Variants in DISC1 observed in about 807,000 individuals in gnomAD.
DISC1 encodes disrupted in schizophrenia 1 protein.
DISC1 carries 57 observed loss-of-function variants against 84.5 expected under a neutral mutation model. The observed-to-expected ratio is 0.67, with a 90% CI of 0.55 to 0.84. DISC1 has a LOEUF of 0.84. Among genes scored for constraint, DISC1 ranks in the 40% least tolerant of loss-of-function variants. DISC1 has a pLI of 0.00. For missense variants in DISC1, 1,000 were observed against 1,057.8 expected (o/e 0.95, Z 0.76); for synonymous variants, 411 against 415.2 (o/e 0.99, Z 0.12).
At chr1:231,871,452 T>A (rs1209766370) in intron 9 of DISC1, among the ~76,000 whole-genome samples, 4 of 152,198 alleles carry the variant, frequency 2.6e-5, no homozygotes, top group African/African-American at 9.7e-5. Flanking sequence ...AGCCACACGC[T>A]CTTCTGCCCA....
chr1:231,878,553 G>T (rs1290760586), intron 9 of DISC1, among the ~76,000 whole-genome samples: 1 of 152,174 alleles, frequency 6.6e-6, no homozygotes, highest in Non-Finnish European at 1.5e-5. Flanking sequence ...AGACTAAGCA[G>T]GTTCTTGAAG....
At chr1:231,779,549 GTTTTTT>G (rs762129889) in intron 6 of DISC1, among the ~76,000 whole-genome samples, 10 of 53,578 alleles carry the variant, frequency 1.9e-4, no homozygotes, top group African/African-American at 3.0e-4. Flanking sequence ...ACCTATTCTT[GTTTTTT>G]TTTTTTTTTT....
At chr1:231,737,823 G>A (rs986210453) in intron 3 of DISC1, among the ~76,000 whole-genome samples, 2 of 152,172 alleles carry the variant, frequency 1.3e-5, no homozygotes, top group Admixed American at 6.5e-5. Context: ...TTATCAGAAC[G>A]TTTTTCTGAC....
Position 231,771,227 on chromosome 1 carries a change from C to CGGTGT in DISC1, c.1634+160_1634+164dup. ...GTGTTTTGGGTGGGAAAATTCTTCA[C>CGGTGT]GGTGTGGGGCAGTCCTGAACATTGC... On this transcript the variant is annotated intron_variant, in intron 6 of 12. Transcript: ENST00000439617. The CGGTGT allele has an allele frequency of 4.8e-6, 7 of 1,448,032 alleles. No individual in the cohort carries two copies. In the South Asian group the frequency reaches 1.0e-4, roughly 22 times the overall value. The allele number at this position is 1,448,032 out of a possible 1,614,324, so 89.7% of individuals were successfully genotyped here. A position where few individuals can be genotyped will look rare whatever the true frequency, so the allele number is the denominator to read the frequency against.
intron 3 of DISC1, chr1:231,723,693 A>G: frequency 7.1e-6 from 7 of 985,502 alleles, no homozygotes; most frequent in Non-Finnish European, 8.4e-6. Context: ...TTATTCTCAA[A>G]TTCAGTCTTC....
chr1:231,776,546 G>A (rs889428110), intron 6 of DISC1, among the ~76,000 whole-genome samples: 1 of 152,176 alleles, frequency 6.6e-6, no homozygotes, highest in Non-Finnish European at 1.5e-5. Flanking sequence ...GTGGAGAGGA[G>A]CCAGGCCTTC....
At chr1:231,914,717 A>G (rs762660290) in intron 9 of DISC1, among the ~76,000 whole-genome samples, 2 of 152,210 alleles carry the variant, frequency 1.3e-5, no homozygotes, top group African/African-American at 2.4e-5. Context: ...ATGTGGAGGG[A>G]AAGGGATGGC....
chr1:231,758,009 T>G (rs1573561570), intron 4 of DISC1, among the ~76,000 whole-genome samples: 4 of 142,946 alleles, frequency 2.8e-5, no homozygotes, highest in South Asian at 2.3e-4. Flanking sequence ...GGGGTGGGGG[T>G]GGATAATGCC....
chr1:231,694,004 G>T lies in DISC1; in HGVS notation c.246G>T (p.Arg82Ser). The T allele has an allele frequency of 6.2e-7, 1 of 1,614,124 alleles. No homozygotes were observed. Among genetic ancestry groups the T allele is most frequent in the Non-Finnish European group, 8.5e-7 (1 of 1,179,978 alleles). The change falls in exon 2 of 13, where the codon AGG becomes AGT. Residue 82 changes from arginine (R) to serine (S), a missense_variant. Arg to Ser is a moderately radical substitution (Grantham distance 110, BLOSUM62 -1). Coordinates refer to ENST00000439617, the MANE Select transcript of DISC1 (RefSeq NM_018662.3). ...SGEESHHSES[R>S]ARQCGLDSRG... ...AGGAGTCCCACCACTCGGAGTCCAG[G>T]GCCAGACAGTGTGGCCTTGACTCGA...
At chr1:231,693,310 A>G (rs1299753389) in intron 1 of DISC1, among the ~76,000 whole-genome samples, 1 of 152,258 alleles carries the variant, frequency 6.6e-6, no homozygotes, top group Admixed American at 6.5e-5. Flanking sequence ...ACAGCCAGCT[A>G]TCCATGGTCT....
chr1:231,976,776 T>TAG (rs1396127199), intron 10 of DISC1, among the ~76,000 whole-genome samples: 1 of 152,236 alleles, frequency 6.6e-6, no homozygotes, highest in Admixed American at 6.5e-5. Context: ...AAATACCTTT[T>TAG]AGAGGATTGC....
rs185328921 is a variant in DISC1 at position 231,848,372 on chromosome 1, C to T, written c.1981+29855C>T. Among the ~76,000 whole-genome samples, 82 of 152,196 alleles carry T rather than the reference C, an allele frequency of 5.4e-4. 1 individual carries two copies. In the South Asian group the frequency reaches 6.9e-3, roughly 13 times the overall value. On this transcript the variant is annotated intron_variant, in intron 9 of 12. Transcript: ENST00000439617. ...GAGTGAAAAACAGTGAATAAATGAG[C>T]GAATATTTAAATGACAAGAACTGAC...
chr1:231,704,232 A>G (rs1419162303), intron 3 of DISC1, among the ~76,000 whole-genome samples: 1 of 152,186 alleles, frequency 6.6e-6, no homozygotes, highest in South Asian at 2.1e-4. Context: ...CATGGAGGCT[A>G]TGGATGGCAA....
At chr1:231,683,859 C>T (rs1030199949) in intron 1 of DISC1, among the ~76,000 whole-genome samples, 5 of 152,106 alleles carry the variant, frequency 3.3e-5, no homozygotes, top group African/African-American at 1.2e-4. Context: ...TCCTCCACAG[C>T]TGCCACACTG....
Position 231,855,398 on chromosome 1 carries a change from A to C in DISC1, c.1981+36881A>C, listed in dbSNP as rs554342855. 1.6e-5 allele frequency: 16 copies of C among 985,336 alleles called. No homozygotes were observed. The African/African-American group carries it at 2.6e-4, about 16-fold the overall frequency. The allele number at this position is 985,336 out of a possible 1,614,324, so 61.0% of individuals were successfully genotyped here. On this transcript the variant is annotated intron_variant, in intron 9 of 12. Transcript: ENST00000439617. Reference sequence around the variant, plus strand: ...TCCATAAATGAGCTCAAGTTATTTCATCCACAGTGATAGAATGTTCCCCAT... The same window carrying C: ...TCCATAAATGAGCTCAAGTTATTTCCTCCACAGTGATAGAATGTTCCCCAT...
intron 9 of DISC1, among the ~76,000 whole-genome samples, chr1:231,955,807 C>T (rs374030023): frequency 6.6e-6 from 1 of 152,090 alleles, no homozygotes; most frequent in Non-Finnish European, 1.5e-5. Flanking sequence ...CTTTTTCTTA[C>T]ACCTGGCATT....
intron 9 of DISC1, chr1:231,855,304 A>G (rs1374267933): frequency 1.1e-5 from 10 of 940,290 alleles, no homozygotes; most frequent in Non-Finnish European, 1.1e-5. Context: ...TTTCAAAATA[A>G]CATGTTATAT....
rs117761507 is a variant in DISC1, at chr1:231,771,335, A to T, written c.1634+265A>T. On this transcript the variant is annotated intron_variant, in intron 6 of 12. Coordinates refer to ENST00000439617, the MANE Select transcript of DISC1 (RefSeq NM_018662.3). ...CAATATGCACCCTCCCCATTTCCAAACACCCTCAGGACACCCTCTCTCCCT... is the reference window on the plus strand; with the variant it reads ...CAATATGCACCCTCCCCATTTCCAATCACCCTCAGGACACCCTCTCTCCCT... 151 of 985,116 alleles carry T rather than the reference A, an allele frequency of 1.5e-4. No individual in the cohort carries two copies. In the East Asian group the frequency reaches 0.011, roughly 74 times the overall value. The allele number at this position is 985,116 out of a possible 1,614,324, so 61.0% of individuals were successfully genotyped here.
At chr1:231,779,696 A>G (rs1323717708) in intron 6 of DISC1, among the ~76,000 whole-genome samples, 7 of 151,518 alleles carry the variant, frequency 4.6e-5, no homozygotes, top group Admixed American at 4.6e-4. Flanking sequence ...AGTAGCTGGG[A>G]CTACAGGCAC....
Sources: gnomAD v4.1 joint callset for allele counts (sites outside exome capture counted in the v4.1 genomes callset) on GRCh38, gnomAD v4.1.1 for gene constraint, MANE v1.5 for transcripts, NCBI Gene and HGNC (gene_info 2026-07-23, HGNC 2026-07-21) for gene names.